The following ATP6V0D2 variants were observed in gnomAD, a reference collection of about 807,000 sequenced individuals.
The protein encoded by ATP6V0D2 is V-type proton ATPase subunit d 2.
In ATP6V0D2, 40 loss-of-function variants were observed where a neutral mutation model predicts 40.0. That is an observed-to-expected ratio of 1.00 (90% CI 0.78 to 1.30). The LOEUF is 1.30. Ranked by LOEUF, ATP6V0D2 falls within the 50% of genes most tolerant of loss-of-function variation. The pLI, the probability that ATP6V0D2 is intolerant of heterozygous loss-of-function variation, is 0.00. For missense variants in ATP6V0D2, 470 were observed against 423.1 expected, an observed-to-expected ratio of 1.11 and a Z score of -0.97; for synonymous variants, 179 against 156.3, an observed-to-expected ratio of 1.15 and a Z score of -1.08.
chr8:86,150,549 G>A (rs1819130819), intron 6 of ATP6V0D2, among the ~76,000 whole-genome samples: 1 of 152,110 alleles, frequency 6.6e-6, no homozygotes, highest in South Asian at 2.1e-4. Context: ...TCCTTTTGAA[G>A]TGTTTGATAA....
intron 2 of ATP6V0D2, among the ~76,000 whole-genome samples, chr8:86,121,635 A>AAAGGAG (rs1326939747): frequency 4.0e-5 from 6 of 150,062 alleles, no homozygotes; most frequent in Admixed American, 1.3e-4. Context: ...GAAAGAAGGA[A>AAAGGAG]AAGGAGAAGG....
At chr8:86,100,037 GT>G (rs1818374478) in intron 1 of ATP6V0D2, among the ~76,000 whole-genome samples, 1 of 129,154 alleles carries the variant, frequency 7.7e-6, no homozygotes, top group Non-Finnish European at 1.5e-5. Context: ...TTTAACTGAA[GT>G]TAAAAAAAAA....
At chr8:86,123,198 A>G (rs1818695978) in intron 2 of ATP6V0D2, among the ~76,000 whole-genome samples, 2 of 152,184 alleles carry the variant, frequency 1.3e-5, no homozygotes, top group African/African-American at 4.8e-5. Flanking sequence ...ATTATTGTGC[A>G]TGTAGTACTT....
intron 5 of ATP6V0D2, among the ~76,000 whole-genome samples, chr8:86,146,920 C>T (rs768232664): frequency 6.6e-6 from 1 of 151,848 alleles, no homozygotes; most frequent in Non-Finnish European, 1.5e-5. Flanking sequence ...TGGCCAGAGA[C>T]TTCAAGAGAC....
At chr8:86,128,616 A>C (rs1334546105) in intron 2 of ATP6V0D2, among the ~76,000 whole-genome samples, 1 of 152,262 alleles carries the variant, frequency 6.6e-6, no homozygotes, top group East Asian at 1.9e-4. Context: ...TACATTTCCA[A>C]AGAAGTAATA....
intron 2 of ATP6V0D2, among the ~76,000 whole-genome samples, chr8:86,115,450 C>A (rs1818581387): frequency 7.1e-6 from 1 of 141,612 alleles, no homozygotes; most frequent in African/African-American, 2.6e-5. Flanking sequence ...CTCACTGCAA[C>A]CTTCGCCTCC....
At chr8:86,109,375 C>G (rs1300076700) in intron 1 of ATP6V0D2, among the ~76,000 whole-genome samples, 1 of 152,130 alleles carries the variant, frequency 6.6e-6, no homozygotes, top group African/African-American at 2.4e-5. Flanking sequence ...AGTCTATCAT[C>G]ATCCCAGAGT....
intron 6 of ATP6V0D2, 24 bp from the exon 7 acceptor site, chr8:86,151,442 A>T (rs1819150143): frequency 6.7e-7 from 1 of 1,494,614 alleles, no homozygotes; most frequent in African/African-American, 1.4e-5. Flanking sequence ...AAATGTCTTT[A>T]AAATTAATGT....
chr8:86,137,434 C>T (rs1354592545), intron 2 of ATP6V0D2, among the ~76,000 whole-genome samples: 1 of 152,176 alleles, frequency 6.6e-6, no homozygotes, highest in Non-Finnish European at 1.5e-5. Flanking sequence ...AAAGAACTCT[C>T]TACATGCACT....
chr8:86,136,140 C>G (rs1191985696), intron 2 of ATP6V0D2, among the ~76,000 whole-genome samples: 2 of 152,152 alleles, frequency 1.3e-5, no homozygotes, highest in African/African-American at 2.4e-5. Flanking sequence ...ATTTTAGAAA[C>G]AAGGCCACTC....
chr8:86,115,529 C>T (rs552330360), intron 2 of ATP6V0D2, among the ~76,000 whole-genome samples: 2 of 151,816 alleles, frequency 1.3e-5, no homozygotes, highest in East Asian at 3.9e-4. Context: ...CTGCCATGCC[C>T]GGCTAATTTT....
chr8:86,149,813 G>A (rs919747500), intron 5 of ATP6V0D2, among the ~76,000 whole-genome samples: 7 of 152,038 alleles, frequency 4.6e-5, no homozygotes, highest in Admixed American at 3.9e-4. Flanking sequence ...TGACACTAGC[G>A]GCCTAATGTG....
chr8:86,124,191 C>A (rs1818710173), intron 2 of ATP6V0D2, among the ~76,000 whole-genome samples: 1 of 152,186 alleles, frequency 6.6e-6, no homozygotes, highest in Non-Finnish European at 1.5e-5. Context: ...GCAGGGCAAA[C>A]ACATCCCTAC....
intron 2 of ATP6V0D2, 45 bp downstream of exon 2, chr8:86,113,925 C>A (rs373701493): frequency 1.3e-6 from 2 of 1,530,648 alleles, no homozygotes; most frequent in Admixed American, 1.9e-5. Flanking sequence ...TGTACTCGTG[C>A]GGATGACCCC....
At chr8:86,111,272 G>C (rs1424967082) in intron 1 of ATP6V0D2, among the ~76,000 whole-genome samples, 1 of 150,110 alleles carries the variant, frequency 6.7e-6, no homozygotes, top group Non-Finnish European at 1.5e-5. Context: ...CTGAAGCCTC[G>C]AGCCCCTGGG....
intron 1 of ATP6V0D2, among the ~76,000 whole-genome samples, chr8:86,105,616 CTTTTCTTTTTTTT>C (rs1818460287): frequency 7.6e-6 from 1 of 131,170 alleles, no homozygotes; most frequent in Admixed American, 8.0e-5. Flanking sequence ...CTTCTTTTTT[CTTTTCTTTTTTTT>C]TTTTTTTGAG....
In ATP6V0D2 at chr8:86,151,535, C is replaced by T. The variant is rs537083185; in HGVS notation, c.886C>T (p.Arg296Cys). The T allele has an allele frequency of 3.7e-5, 59 of 1,604,034 alleles. 1 individual carries two copies. In the South Asian group the frequency reaches 4.6e-4, roughly 12 times the overall value. The change falls in exon 7 of 8, where the codon CGT (arginine) becomes TGT (cysteine). Residue 296 changes from arginine (R) to cysteine (C), a missense_variant. Transcript: ENST00000285393. ...GKTLEDVFYE[R>C]EVQMNVLAFN... ...GACATTGGAGGACGTGTTTTACGAG[C>T]GTGAGGTATGATATAAGTGGAAATA...
chr8:86,100,244 T>C (rs1386401199), intron 1 of ATP6V0D2, among the ~76,000 whole-genome samples: 3 of 152,058 alleles, frequency 2.0e-5, no homozygotes, highest in African/African-American at 7.2e-5. Flanking sequence ...TACCAAAGAT[T>C]CCACGTCTGT....
chr8:86,144,145 C>T (rs772304793), intron 5 of ATP6V0D2, among the ~76,000 whole-genome samples: 9 of 152,284 alleles, frequency 5.9e-5, no homozygotes, highest in Non-Finnish European at 8.8e-5. Flanking sequence ...CCACAGATTT[C>T]ATCTATGCTT....
Sources: allele counts gnomAD v4.1 joint callset (sites outside exome capture counted in the v4.1 genomes callset), GRCh38; gene constraint gnomAD v4.1.1; transcripts MANE v1.5; gene names NCBI Gene and HGNC (gene_info 2026-07-23, HGNC 2026-07-21).